SIPA1L2: variants seen among roughly 807,000 people sequenced by gnomAD.
SIPA1L2 encodes signal induced proliferation associated 1 like 2.
Under a neutral mutation model 163.9 loss-of-function variants are expected in SIPA1L2, and 56 were observed. That is an observed-to-expected ratio of 0.34 (90% CI 0.28 to 0.43). The LOEUF (loss-of-function observed/expected upper bound fraction) is 0.43, where lower values mean the gene tolerates loss of function less well. Among genes scored for constraint, SIPA1L2 ranks in the 20% least tolerant of loss-of-function variants. The pLI is 1.00. For missense variants in SIPA1L2, 1,974 were observed against 2,193.5 expected, an observed-to-expected ratio of 0.90 and a Z score of 2.00; for synonymous variants, 877 against 865.7, an observed-to-expected ratio of 1.01 and a Z score of -0.23.
At chr1:232,620,553 T>G (rs1015873735) in intron 1 of SIPA1L2, among the ~76,000 whole-genome samples, 1 of 152,200 alleles carries the variant, frequency 6.6e-6, no homozygotes, top group South Asian at 2.1e-4. Context: ...CAGAAAGAAC[T>G]AAGTTACGGT....
rs576245134 is a variant in SIPA1L2 at position 232,494,449 on chromosome 1, T to C, written c.1484-789A>G. 3.9e-5 allele frequency among the ~76,000 whole-genome samples: 6 copies of C among 152,324 alleles called. No homozygotes were observed. The South Asian group carries it at 1.0e-3, about 26-fold the overall frequency. ...ATTTGTCTCTTCCTCGTATGTGCAATCACTATGTGTGGGCATTGTTTCAGC... is the reference window on the plus strand; with the variant it reads ...ATTTGTCTCTTCCTCGTATGTGCAACCACTATGTGTGGGCATTGTTTCAGC... On this transcript the variant is annotated intron_variant, in intron 3 of 22. Coordinates refer to ENST00000674635, the MANE Select transcript of SIPA1L2 (RefSeq NM_020808.5).
intron 4 of SIPA1L2, among the ~76,000 whole-genome samples, chr1:232,492,155 G>A (rs912958194): frequency 1.3e-5 from 2 of 152,016 alleles, no homozygotes; most frequent in Non-Finnish European, 2.9e-5. Context: ...GGACACCTAC[G>A]TACTAGATAA....
At chr1:232,599,933 G>C (rs1661506171) in intron 1 of SIPA1L2, among the ~76,000 whole-genome samples, 1 of 152,240 alleles carries the variant, frequency 6.6e-6, no homozygotes, top group South Asian at 2.1e-4. Context: ...ATGTTACCCA[G>C]ACCTAACTGA....
At chr1:232,535,583 G>T (rs993288299) in intron 2 of SIPA1L2, among the ~76,000 whole-genome samples, 5 of 152,128 alleles carry the variant, frequency 3.3e-5, no homozygotes, top group African/African-American at 9.7e-5. Context: ...GGTTCTAAAA[G>T]AATAATCTGC....
chr1:232,538,819 A>T (rs548470571), intron 2 of SIPA1L2, among the ~76,000 whole-genome samples: 1 of 152,338 alleles, frequency 6.6e-6, no homozygotes, highest in Non-Finnish European at 1.5e-5. Flanking sequence ...CAAGAATGTG[A>T]CAGTGGGTGG....
chr1:232,493,787 T>G (rs1318305898), intron 3 of SIPA1L2, 127 bp from the exon 4 acceptor site: 4 of 1,207,852 alleles, frequency 3.3e-6, no homozygotes, highest in Non-Finnish European at 4.6e-6. Context: ...GTGATTTCCT[T>G]GTATCTGTTT....
At chr1:232,434,586 C>A (rs1224493416) in intron 15 of SIPA1L2, among the ~76,000 whole-genome samples, 1 of 152,094 alleles carries the variant, frequency 6.6e-6, no homozygotes, top group African/African-American at 2.4e-5. Context: ...GTAAGGCAAG[C>A]AATCAACAGG....
Position 232,415,600 on chromosome 1 carries a change from G to C in SIPA1L2, c.4656C>G (p.Ser1552=), listed in dbSNP as rs368185170. Reference sequence around the variant, plus strand: ...CTGCGCACTTGGACTTATCTGATAAGGACCCATCGGAGAACCAGAACTCAT... The same window carrying C: ...CTGCGCACTTGGACTTATCTGATAACGACCCATCGGAGAACCAGAACTCAT... ...LRNEFWFSDG[S]LSDKSKCADP... Residue 1552 remains serine, a synonymous_variant, in exon 19 of 23, where the codon TCC becomes TCG. Coordinates refer to ENST00000674635, the MANE Select transcript of SIPA1L2 (RefSeq NM_020808.5). 6.2e-7 allele frequency: 1 copy of C among 1,613,936 alleles called. No individual in the cohort carries two copies. The highest frequency in any genetic ancestry group is 8.5e-7 in the Non-Finnish European group (1 of 1,179,966).
At chr1:232,603,981 C>A (rs1661751549) in intron 1 of SIPA1L2, among the ~76,000 whole-genome samples, 1 of 152,136 alleles carries the variant, frequency 6.6e-6, no homozygotes, top group Non-Finnish European at 1.5e-5. Context: ...ATCATATTTA[C>A]TAAATCCACA....
In SIPA1L2 at chr1:232,630,020, G is replaced by A. The variant is rs1462374679; in HGVS notation, c.-470C>T. 6.7e-6 allele frequency among the ~76,000 whole-genome samples: 1 copy of A among 149,966 alleles called. No homozygotes were observed. Among genetic ancestry groups the A allele is most frequent in the African/African-American group, 2.4e-5 (1 of 41,126 alleles). ...GCTCCGGCGGAGGCGGCCCGGACCC[G>A]CTGGCTGCGGCTGGAGCTCTCGGCC... is the stretch of plus-strand genomic sequence containing the variant. On this transcript the variant is annotated 5_prime_UTR_variant, in exon 1 of 23. Transcript: ENST00000674635.
Position 232,465,120 on chromosome 1 carries a change from G to A in SIPA1L2, c.2540C>T (p.Ala847Val). 1.9e-6 allele frequency: 3 copies of A among 1,614,170 alleles called. No individual in the cohort carries two copies. The highest frequency in any genetic ancestry group is 2.5e-6 in the Non-Finnish European group (3 of 1,180,036). Residue 847 changes from alanine to valine, a missense_variant, in exon 9 of 23, where the codon GCC becomes GTC. Ala to Val is a moderately conservative substitution (Grantham distance 64). Around this residue, in one of 3 missense-constraint regions of SIPA1L2, gnomAD observed 1,079 missense variants for 1,150.7 expected, o/e 0.94. Coordinates refer to ENST00000674635, the MANE Select transcript of SIPA1L2 (RefSeq NM_020808.5). The surrounding 1 kb of genome is among the most constrained non-coding windows in gnomAD (Gnocchi z 4.1). ...GATGGCCCCAATGCTAAACAAGTGG[G>A]CATCCTTCCTTGGCTTTACCTTCTC... is the stretch of plus-strand genomic sequence containing the variant. ...KKEKVKPRKD[A>V]HLFSIGAIMW...
At chr1:232,610,454 C>T (rs946288939) in intron 1 of SIPA1L2, among the ~76,000 whole-genome samples, 1 of 152,242 alleles carries the variant, frequency 6.6e-6, no homozygotes, top group Middle Eastern at 3.4e-3. Context: ...CACAAAAACT[C>T]GGTGCTATGG....
chr1:232,428,677 T>C, intron 16 of SIPA1L2, 113 bp from the exon 17 acceptor site: 1 of 727,536 alleles, frequency 1.4e-6, no homozygotes, highest in East Asian at 3.1e-5. Context: ...AAACACTTCT[T>C]AGGTCTTAAG....
Position 232,445,723 on chromosome 1 carries a change from G to C in SIPA1L2, c.3159C>G (p.Pro1053=). The change falls in exon 11 of 23, where the codon CCC becomes CCG. Residue 1053 remains proline (P), a synonymous_variant. Transcript: ENST00000674635. ...TCCTGAAGGGGGTTTTATACTCGCA[G>C]GGGGTGCCCTCGCTGTCGAGTTTAT... The part of the protein sequence containing the change: ...VEYKLDSEGT[P]CEYKTPFRRN... The C allele has an allele frequency of 1.9e-6, 3 of 1,613,660 alleles. No homozygotes were observed. The highest frequency in any genetic ancestry group is 2.5e-6 in the Non-Finnish European group (3 of 1,179,848).
chr1:232,529,778 T>C (rs1156950338), intron 2 of SIPA1L2, among the ~76,000 whole-genome samples: 1 of 152,272 alleles, frequency 6.6e-6, no homozygotes, highest in Non-Finnish European at 1.5e-5. Context: ...TAAATAGTTT[T>C]AAGTTTTGCT....
chr1:232,501,403 T>C (rs964105041), intron 3 of SIPA1L2, among the ~76,000 whole-genome samples: 4 of 152,156 alleles, frequency 2.6e-5, no homozygotes, highest in Admixed American at 1.3e-4. Context: ...CTACCGCATC[T>C]CTGAGCTGTG....
At chr1:232,584,310 C>T (rs1391638370) in intron 1 of SIPA1L2, among the ~76,000 whole-genome samples, 3 of 152,118 alleles carry the variant, frequency 2.0e-5, no homozygotes, top group South Asian at 2.1e-4. Flanking sequence ...CTGCAACCTC[C>T]GCCTCCCAGG....
chr1:232,479,478 C>A, intron 7 of SIPA1L2, 149 bp downstream of exon 7: 1 of 648,466 alleles, frequency 1.5e-6, no homozygotes, highest in South Asian at 2.0e-5. Flanking sequence ...CCAAATACTT[C>A]CAAATGATCA....
At chr1:232,612,814 T>A (rs995659837) in intron 1 of SIPA1L2, among the ~76,000 whole-genome samples, 1 of 152,138 alleles carries the variant, frequency 6.6e-6, no homozygotes. Context: ...GAAGGCATGA[T>A]TGGTTTTGAA....
Sources: allele counts gnomAD v4.1 joint callset (sites outside exome capture counted in the v4.1 genomes callset), GRCh38; gene constraint gnomAD v4.1.1; regional missense constraint gnomAD v4.1.1; non-coding constraint Gnocchi (gnomAD v3.1); transcripts MANE v1.5; gene names NCBI Gene and HGNC (gene_info 2026-07-23, HGNC 2026-07-21).